Variants in MGAT4C observed in about 807,000 individuals in gnomAD.
MGAT4C encodes alpha-1,3-mannosyl-glycoprotein 4-beta-N-acetylglucosaminyltransferase C.
Under a neutral mutation model 40.1 loss-of-function variants are expected in MGAT4C, and 19 were observed. The ratio of observed to expected loss-of-function variants is 0.47; its 90% CI spans 0.33 to 0.70. The LOEUF (loss-of-function observed/expected upper bound fraction) is 0.70. Among genes scored for constraint, MGAT4C ranks in the 30% least tolerant of loss-of-function variants. The pLI, the probability that MGAT4C is intolerant of heterozygous loss-of-function variation, is 0.02. For missense variants in MGAT4C, 491 were observed against 563.2 expected (o/e 0.87, Z 1.30); for synonymous variants, 181 against 187.1 (o/e 0.97, Z 0.27).
intron 4 of MGAT4C, among the ~76,000 whole-genome samples, chr12:86,269,544 C>T (rs1395673850): frequency 1.3e-5 from 2 of 151,244 alleles, no homozygotes; most frequent in Non-Finnish European, 2.9e-5. Context: ...ATTATAAACT[C>T]TCCAATTCAG....
chr12:86,308,912 C>T lies in MGAT4C; in HGVS notation c.-57+25153G>A, dbSNP rs1436343872. Among the ~76,000 whole-genome samples the T allele has an allele frequency of 1.7e-4, 25 of 150,322 alleles. 1 individual carries two copies. Among genetic ancestry groups the T allele is most frequent in the Admixed American group, 1.6e-3 (25 of 15,190 alleles). Reference sequence around the variant, plus strand: ...GGGAGAAGGGACTTGTCTGAAGTCACCAGTGAAAGTTTGAACTGATTATCT... The same window carrying T: ...GGGAGAAGGGACTTGTCTGAAGTCATCAGTGAAAGTTTGAACTGATTATCT... On this transcript the variant is annotated intron_variant, in intron 4 of 7. Coordinates refer to the MGAT4C transcript ENST00000548651.
chr12:86,143,630 T>C (rs1186505391), intron 1 of MGAT4C, among the ~76,000 whole-genome samples: 4 of 152,176 alleles, frequency 2.6e-5, no homozygotes, highest in African/African-American at 9.7e-5. Context: ...TGTTATGAGA[T>C]TTTTATTTTG....
chr12:86,173,022 T>C (rs1171422024), intron 1 of MGAT4C, among the ~76,000 whole-genome samples: 1 of 152,128 alleles, frequency 6.6e-6, no homozygotes, highest in Non-Finnish European at 1.5e-5. Context: ...TATGAAACTG[T>C]CACAGGGATA....
intron 1 of MGAT4C, among the ~76,000 whole-genome samples, chr12:86,180,499 A>C (rs1046366237): frequency 1.3e-5 from 2 of 152,194 alleles, no homozygotes; most frequent in African/African-American, 4.8e-5. Flanking sequence ...ATGCCAGCCC[A>C]TGAAAGCAGC....
At chr12:86,174,094 T>C (rs1484802384) in intron 1 of MGAT4C, among the ~76,000 whole-genome samples, 1 of 147,554 alleles carries the variant, frequency 6.8e-6, no homozygotes, top group Non-Finnish European at 1.5e-5. Context: ...AAAAGTAGGT[T>C]ATTCTTACCA....
intron 2 of MGAT4C, among the ~76,000 whole-genome samples, chr12:86,703,758 C>T (rs1005967790): frequency 6.6e-6 from 1 of 151,056 alleles, no homozygotes; most frequent in Admixed American, 6.6e-5. Context: ...CCTATGTATG[C>T]CTCTACTTAA....
At chr12:86,764,925 G>C (rs1214409749) in intron 1 of MGAT4C, among the ~76,000 whole-genome samples, 1 of 152,106 alleles carries the variant, frequency 6.6e-6, no homozygotes, top group East Asian at 1.9e-4. Context: ...AAAAAACAGA[G>C]CAGAAAAACT....
At chr12:86,621,829 T>A (rs967955868) in intron 2 of MGAT4C, among the ~76,000 whole-genome samples, 1 of 152,234 alleles carries the variant, frequency 6.6e-6, no homozygotes, top group Non-Finnish European at 1.5e-5. Flanking sequence ...GGAAAAGCCA[T>A]ATGCATTTTA....
chr12:86,526,319 T>C (rs1958882083), intron 2 of MGAT4C, among the ~76,000 whole-genome samples: 1 of 151,922 alleles, frequency 6.6e-6, no homozygotes, highest in Admixed American at 6.6e-5. Flanking sequence ...TAAACTGCAC[T>C]CCTGCTGCAG....
intron 1 of MGAT4C, among the ~76,000 whole-genome samples, chr12:86,171,256 CT>C (rs1447786465): frequency 1.3e-5 from 2 of 152,118 alleles, no homozygotes; most frequent in African/African-American, 4.8e-5. Flanking sequence ...GTAATCCCAG[CT>C]ACTTGGGAGG....
chr12:86,534,380 A>T (rs1385336518), intron 2 of MGAT4C, among the ~76,000 whole-genome samples: 1 of 152,058 alleles, frequency 6.6e-6, no homozygotes, highest in African/African-American at 2.4e-5. Context: ...GCCTTTCTGA[A>T]CTGAACTAAT....
At chr12:86,284,883 T>A (rs1953311933) in intron 4 of MGAT4C, among the ~76,000 whole-genome samples, 1 of 152,150 alleles carries the variant, frequency 6.6e-6, no homozygotes, top group Non-Finnish European at 1.5e-5. Flanking sequence ...GCATATGTCA[T>A]CTGCACAGTC....
chr12:86,100,692 A>C (rs1196021093), intron 1 of MGAT4C, among the ~76,000 whole-genome samples: 2 of 151,482 alleles, frequency 1.3e-5, no homozygotes, highest in African/African-American at 4.8e-5. Flanking sequence ...TTTTTATGTA[A>C]CTATACTTAT....
intron 3 of MGAT4C, among the ~76,000 whole-genome samples, chr12:86,432,846 T>A (rs976357429): frequency 6.6e-6 from 1 of 152,150 alleles, no homozygotes; most frequent in Non-Finnish European, 1.5e-5. Flanking sequence ...TAGAAAGCAA[T>A]GAATTTGCAT....
In MGAT4C at chr12:86,313,317, T is replaced by A. The variant is rs1487965411; in HGVS notation, c.-57+20748A>T. Among the ~76,000 whole-genome samples the A allele has an allele frequency of 2.5e-5, 3 of 120,846 alleles. No homozygotes were observed. In the East Asian group the frequency reaches 1.1e-3, roughly 46 times the overall value. 79.3% of individuals were successfully genotyped at this position (120,846 alleles called of 152,430 possible). A position where few individuals can be genotyped will look rare whatever the true frequency, so the allele number is the denominator to read the frequency against. ...TCAGTCTTAAAATGAAAACTCACAA[T>A]GCAGGTAAGAGATATGGAGAAACAA... On this transcript the variant is annotated intron_variant, in intron 4 of 7. Transcript: ENST00000548651.
In MGAT4C at chr12:85,972,746, G is replaced by A. The variant is rs1374930469; in HGVS notation, c.*6543C>T. ...GAGATAATTGGACAATTATGATAAA[G>A]GATCTGAGATAATTATTCTAACTTT... On this transcript the variant is annotated 3_prime_UTR_variant, in exon 5 of 5. Coordinates refer to ENST00000611864, the MANE Select transcript of MGAT4C (RefSeq NM_001351288.2). 3.3e-5 allele frequency: 5 copies of A among 150,898 alleles called. No homozygotes were observed. The highest frequency in any genetic ancestry group is 7.4e-5 in the Non-Finnish European group (5 of 67,150). The allele number at this position is 150,898 out of a possible 1,614,324, so 9.3% of individuals were successfully genotyped here. A position where few individuals can be genotyped will look rare whatever the true frequency, so the allele number is the denominator to read the frequency against.
At chr12:86,441,932 A>G (rs1046195717) in intron 2 of MGAT4C, among the ~76,000 whole-genome samples, 2 of 152,152 alleles carry the variant, frequency 1.3e-5, no homozygotes, top group African/African-American at 4.8e-5. Flanking sequence ...TGTCTTCCAC[A>G]ATGGTTGAAC....
rs1202629073 is a variant in MGAT4C at position 85,958,902 on chromosome 12, A to G, written c.*20387T>C. The G allele has an allele frequency of 6.6e-6, 1 of 152,038 alleles. No homozygotes were observed. The highest frequency in any genetic ancestry group is 1.5e-5 in the Non-Finnish European group (1 of 67,978). The allele number at this position is 152,038 out of a possible 1,614,324, so 9.4% of individuals were successfully genotyped here. A position where few individuals can be genotyped will look rare whatever the true frequency, so the allele number is the denominator to read the frequency against. On this transcript the variant is annotated 3_prime_UTR_variant, in exon 5 of 5. Coordinates refer to ENST00000611864, the MANE Select transcript of MGAT4C (RefSeq NM_001351288.2). Reference sequence around the variant, plus strand: ...GATTAAGTTGTATAAAATTTTACAAACTTTATATTTTTGCATACACTTATC... The same window carrying G: ...GATTAAGTTGTATAAAATTTTACAAGCTTTATATTTTTGCATACACTTATC...
chr12:86,575,491 T>C (rs1206013989), intron 2 of MGAT4C, among the ~76,000 whole-genome samples: 1 of 151,912 alleles, frequency 6.6e-6, no homozygotes, highest in East Asian at 1.9e-4. Context: ...CCTGGCTTAT[T>C]GCAACATAAT....
Sources: allele counts gnomAD v4.1 joint callset (sites outside exome capture counted in the v4.1 genomes callset), GRCh38; gene constraint gnomAD v4.1.1; transcripts MANE v1.5; gene names NCBI Gene and HGNC (gene_info 2026-07-23, HGNC 2026-07-21).